TEAD1: variants seen among roughly 807,000 people sequenced by gnomAD.
TEAD1 encodes transcriptional enhancer factor TEF-1.
TEAD1 carries 9 observed loss-of-function variants against 54.9 expected under a neutral mutation model. The ratio of observed to expected loss-of-function variants is 0.16; its 90% CI spans 0.10 to 0.29. TEAD1 has a LOEUF of 0.29. TEAD1 is among the 10% of genes least tolerant of loss of function. The pLI is 1.00. For synonymous variants in TEAD1, 200 were observed against 187.8 expected (o/e 1.07, Z -0.53); for missense variants, 387 against 535.9 (o/e 0.72, Z 2.74).
chr11:12,847,942 A>G (rs1011910470), intron 3 of TEAD1, among the ~76,000 whole-genome samples: 2 of 152,166 alleles, frequency 1.3e-5, no homozygotes, highest in Non-Finnish European at 2.9e-5. Context: ...ATCATAGGCC[A>G]CTGCTTTCTC....
At chr11:12,875,607 A>G (rs1947839071) in intron 5 of TEAD1, among the ~76,000 whole-genome samples, 1 of 152,248 alleles carries the variant, frequency 6.6e-6, no homozygotes, top group Non-Finnish European at 1.5e-5. Flanking sequence ...TAAAAATTAA[A>G]TGAGTAGTCA....
intron 3 of TEAD1, chr11:12,823,261 C>T (rs1022117273): frequency 6.6e-6 from 1 of 152,186 alleles, no homozygotes; most frequent in African/African-American, 2.4e-5. Context: ...ACCAAAGTGG[C>T]CAACACTTGC....
At chr11:12,871,068 A>G (rs1053068395) in intron 5 of TEAD1, among the ~76,000 whole-genome samples, 3 of 152,172 alleles carry the variant, frequency 2.0e-5, no homozygotes, top group African/African-American at 7.2e-5. Context: ...TAGATGACCC[A>G]CAGCCTGTAG....
At chr11:12,831,697 T>G (rs1946786096) in intron 3 of TEAD1, among the ~76,000 whole-genome samples, 1 of 151,714 alleles carries the variant, frequency 6.6e-6, no homozygotes, top group South Asian at 2.1e-4. Flanking sequence ...GAGGATTACT[T>G]GAGCCTGGGT....
intron 2 of TEAD1, among the ~76,000 whole-genome samples, chr11:12,710,794 G>A (rs1201121345): frequency 6.6e-6 from 1 of 152,094 alleles, no homozygotes; most frequent in Non-Finnish European, 1.5e-5. Flanking sequence ...ATAATGGCAG[G>A]TGGGTTGTTG....
chr11:12,913,198 G>A (rs2134145153), intron 10 of TEAD1, among the ~76,000 whole-genome samples: 1 of 152,286 alleles, frequency 6.6e-6, no homozygotes, highest in East Asian at 1.9e-4. Flanking sequence ...CCTTGGTGGT[G>A]TGAGAGACCC....
rs546320631 is a variant in TEAD1 at position 12,754,854 on chromosome 11, A to G, written c.-54-9325A>G. On this transcript the variant is annotated intron_variant, in intron 2 of 12. Transcript: ENST00000527636. ...CCTATTGCTTCTCTCCCCAACCCCC[A>G]GAATGCCTGTCTCAATAATTTAGGA... Among the ~76,000 whole-genome samples, 49 of 152,336 alleles carry G rather than the reference A, an allele frequency of 3.2e-4. 1 individual carries two copies. Among genetic ancestry groups the G allele is most frequent in the Non-Finnish European group, 3.4e-4 (23 of 68,024 alleles).
intron 11 of TEAD1, among the ~76,000 whole-genome samples, chr11:12,929,204 GC>G (rs67497461): frequency 0.34 from 47,492 of 138,848 alleles, 8,331 homozygotes; most frequent in East Asian, 0.47. Context: ...GTGTGTGTCT[GC>G]TTTAGGGTTA....
At chr11:12,750,888 T>A (rs1038559262) in intron 2 of TEAD1, among the ~76,000 whole-genome samples, 11 of 152,148 alleles carry the variant, frequency 7.2e-5, no homozygotes, top group African/African-American at 1.4e-4. Context: ...ATTCCTCCAT[T>A]GCATCAGGTG....
Position 12,733,076 on chromosome 11 carries a change from G to A in TEAD1, c.-54-31103G>A, listed in dbSNP as rs180714421. ...ATAGCACCTCCATTGACCCACATGG[G>A]GGCCTGCCTTGGGCTTCATCAGCCC... On this transcript the variant is annotated intron_variant, in intron 2 of 12. Coordinates refer to ENST00000527636, the MANE Select transcript of TEAD1 (RefSeq NM_021961.6). Among the ~76,000 whole-genome samples the A allele has an allele frequency of 4.7e-3, 708 of 152,236 alleles. 7 individuals are homozygous for A. The highest frequency in any genetic ancestry group is 0.016 in the African/African-American group (672 of 41,556).
intron 10 of TEAD1, among the ~76,000 whole-genome samples, chr11:12,915,563 G>A (rs1948696231): frequency 6.6e-6 from 1 of 152,196 alleles, no homozygotes; most frequent in Non-Finnish European, 1.5e-5. Flanking sequence ...ACAGATCCAG[G>A]ATGGCTGGGC....
At chr11:12,932,702 A>C (rs1312778488) in intron 12 of TEAD1, among the ~76,000 whole-genome samples, 1 of 152,140 alleles carries the variant, frequency 6.6e-6, no homozygotes, top group Non-Finnish European at 1.5e-5. Flanking sequence ...AATACAGCAT[A>C]ATTATTTTTA....
At chr11:12,889,745 A>G (rs1473982920) in intron 9 of TEAD1, among the ~76,000 whole-genome samples, 2 of 152,136 alleles carry the variant, frequency 1.3e-5, no homozygotes, top group South Asian at 2.1e-4. Context: ...TAATTGAGGC[A>G]GGGTCTCACT....
chr11:12,720,850 T>A lies in TEAD1; in HGVS notation c.-54-43329T>A, dbSNP rs76048437. Among the ~76,000 whole-genome samples, 2,611 of 152,200 alleles carry A rather than the reference T, an allele frequency of 0.017. 163 individuals are homozygous for A. In the East Asian group the frequency reaches 0.22, roughly 13 times the overall value. On this transcript the variant is annotated intron_variant, in intron 2 of 12. Coordinates refer to ENST00000527636, the MANE Select transcript of TEAD1 (RefSeq NM_021961.6). ...CCAAGCCAAGACCCTCTCCCAGCAT[T>A]CCCAGGCTAAAGGGACAGTCCTCAG... is the stretch of plus-strand genomic sequence containing the variant.
intron 9 of TEAD1, among the ~76,000 whole-genome samples, chr11:12,895,424 A>G (rs1948293888): frequency 1.3e-5 from 2 of 152,182 alleles, no homozygotes; most frequent in African/African-American, 4.8e-5. Context: ...TACTGGTGCA[A>G]CATCTTTTTG....
Position 12,814,109 on chromosome 11 carries a change from C to G in TEAD1, c.203-48141C>G, listed in dbSNP as rs138221470. 2.6e-3 allele frequency among the ~76,000 whole-genome samples: 393 copies of G among 152,322 alleles called. 1 individual carries two copies. Among genetic ancestry groups the G allele is most frequent in the Non-Finnish European group, 1.9e-3 (128 of 68,032 alleles). On this transcript the variant is annotated intron_variant, in intron 3 of 12. Coordinates refer to ENST00000527636, the MANE Select transcript of TEAD1 (RefSeq NM_021961.6). ...TCCTGCTTGCTGCCTGCTACGCTCA[C>G]TGGTCACCAGGGCTGACGTATGGGG...
chr11:12,709,985 A>G (rs980423121), intron 2 of TEAD1, among the ~76,000 whole-genome samples: 4 of 150,550 alleles, frequency 2.7e-5, no homozygotes, highest in African/African-American at 9.8e-5. Context: ...CCTAAACAGT[A>G]ATGAGAAAAG....
chr11:12,684,104 A>G (rs1943281514), intron 2 of TEAD1, among the ~76,000 whole-genome samples: 1 of 152,196 alleles, frequency 6.6e-6, no homozygotes, highest in Non-Finnish European at 1.5e-5. Context: ...TGAGGCATTT[A>G]CTTAGAATCT....
Position 12,695,119 on chromosome 11 carries a change from G to A in TEAD1, c.-55+19558G>A, listed in dbSNP as rs748105878. ...CAGCCAGGCTGGCGAGGGCCACTTC[G>A]TTCTTACTTGTCGTTTGTATTTTGT... On this transcript the variant is annotated intron_variant, in intron 2 of 12. Transcript: ENST00000527636. 2.8e-4 allele frequency among the ~76,000 whole-genome samples: 42 copies of A among 152,342 alleles called. 1 individual carries two copies. The highest frequency in any genetic ancestry group is 5.3e-4 in the Non-Finnish European group (36 of 68,038).
Sources: allele counts gnomAD v4.1 joint callset (sites outside exome capture counted in the v4.1 genomes callset), GRCh38; gene constraint gnomAD v4.1.1; transcripts MANE v1.5; gene names NCBI Gene and HGNC (gene_info 2026-07-23, HGNC 2026-07-21).